The following ASIC2 variants were observed in gnomAD, a reference collection of about 807,000 sequenced individuals.
ASIC2 encodes acid sensing ion channel subunit 2, also known as acid-sensing ion channel 2.
A neutral mutation model predicts 57.3 loss-of-function variants in ASIC2; 25 were observed. That is an observed-to-expected ratio of 0.44 (90% CI 0.32 to 0.61). ASIC2 has a LOEUF of 0.61. Among genes scored for constraint, ASIC2 ranks in the 20% least tolerant of loss-of-function variants. The pLI is 0.06. For synonymous variants in ASIC2, 319 were observed against 307.5 expected (o/e 1.04, Z -0.39); for missense variants, 641 against 738.1 (o/e 0.87, Z 1.52).
intron 1 of ASIC2, chr17:33,533,863 A>C (rs1480073397): frequency 1.3e-5 from 2 of 152,204 alleles, no homozygotes; most frequent in African/African-American, 2.4e-5. Flanking sequence ...TCAACAGGAA[A>C]GTTAACTTTG....
intron 1 of ASIC2, among the ~76,000 whole-genome samples, chr17:33,695,755 C>T (rs913432095): frequency 3.3e-5 from 5 of 152,218 alleles, no homozygotes; most frequent in African/African-American, 1.2e-4. Flanking sequence ...GTCCCTTAAA[C>T]TCCATCCCCC....
chr17:33,284,648 G>T (rs540313835), intron 1 of ASIC2, among the ~76,000 whole-genome samples: 6 of 152,260 alleles, frequency 3.9e-5, no homozygotes, highest in Admixed American at 2.0e-4. Flanking sequence ...TGGCAGAATG[G>T]AGCCATAGGA....
intron 1 of ASIC2, among the ~76,000 whole-genome samples, chr17:33,724,161 C>G (rs911988192): frequency 6.6e-6 from 1 of 152,212 alleles, no homozygotes; most frequent in African/African-American, 2.4e-5. Context: ...CTCATTCTCT[C>G]TCTTGCCGGC....
intron 1 of ASIC2, among the ~76,000 whole-genome samples, chr17:33,969,136 T>C (rs1266210427): frequency 1.3e-5 from 2 of 152,148 alleles, no homozygotes; most frequent in Non-Finnish European, 2.9e-5. Context: ...GCATGGCCCG[T>C]TGAGAAACAA....
rs529797261 is a variant in ASIC2, at chr17:33,166,877, C to T, written c.709-54810G>A. Among the ~76,000 whole-genome samples the T allele has an allele frequency of 3.9e-4, 59 of 152,304 alleles. 2 individuals carry two copies. The South Asian group carries it at 0.012, about 31-fold the overall frequency. On this transcript the variant is annotated intron_variant, in intron 1 of 9. Coordinates refer to ENST00000225823, the MANE Select transcript of ASIC2 (RefSeq NM_183377.2). ...AGCAAGACAATGATTTGTTTGTTTCCACTGAAGAGCTCAAAAAAGAGGCAG... is the reference window on the plus strand; with the variant it reads ...AGCAAGACAATGATTTGTTTGTTTCTACTGAAGAGCTCAAAAAAGAGGCAG...
At chr17:33,827,337 C>CCTTTTTTTTTTTTTTTTTTT (rs1912954044) in intron 1 of ASIC2, among the ~76,000 whole-genome samples, 3 of 76,536 alleles carry the variant, frequency 3.9e-5, no homozygotes, top group Non-Finnish European at 7.9e-5. Flanking sequence ...GCAGCTCACT[C>CCTTTTTTTTTTTTTTTTTTT]TTTTTTTTTT....
intron 1 of ASIC2, among the ~76,000 whole-genome samples, chr17:33,642,214 C>G (rs996005008): frequency 6.6e-6 from 1 of 150,394 alleles, no homozygotes. Context: ...GACACCCCCC[C>G]CCCCCCCACA....
At chr17:33,804,189 G>A (rs188337327) in intron 1 of ASIC2, among the ~76,000 whole-genome samples, 93 of 152,270 alleles carry the variant, frequency 6.1e-4, no homozygotes, top group Non-Finnish European at 1.0e-3. Context: ...GGGAGCTCCA[G>A]CTCTGCTTCA....
At chr17:33,476,544 GGTGTGTGT>G (rs59467363) in intron 1 of ASIC2, among the ~76,000 whole-genome samples, 123 of 104,688 alleles carry the variant, frequency 1.2e-3, no homozygotes, top group South Asian at 9.6e-3. Flanking sequence ...TATGTACAGG[GGTGTGTGT>G]GTGTGTGTGT....
intron 1 of ASIC2, among the ~76,000 whole-genome samples, chr17:33,260,393 C>A (rs1354227044): frequency 2.0e-5 from 3 of 152,178 alleles, no homozygotes; most frequent in South Asian, 4.1e-4. Flanking sequence ...TCTGCAGGGG[C>A]CAGTTGGAGC....
intron 1 of ASIC2, among the ~76,000 whole-genome samples, chr17:33,978,842 G>A (rs1306280783): frequency 2.6e-5 from 4 of 152,188 alleles, no homozygotes; most frequent in Admixed American, 2.6e-4. Flanking sequence ...CCTATGGAGG[G>A]AGAGCGAGGA....
At chr17:33,365,538 G>A (rs991426171) in intron 1 of ASIC2, among the ~76,000 whole-genome samples, 2 of 152,064 alleles carry the variant, frequency 1.3e-5, no homozygotes, top group Admixed American at 1.3e-4. Flanking sequence ...AGTTTAAGTC[G>A]TGAGTACCTG....
At chr17:33,693,408 G>A (rs1002762702) in intron 1 of ASIC2, among the ~76,000 whole-genome samples, 2 of 152,204 alleles carry the variant, frequency 1.3e-5, no homozygotes, top group African/African-American at 4.8e-5. Flanking sequence ...GTCTAGGCCT[G>A]TTGATGTCAC....
At chr17:33,562,952 C>A (rs767422864) in intron 1 of ASIC2, among the ~76,000 whole-genome samples, 3 of 152,122 alleles carry the variant, frequency 2.0e-5, no homozygotes, top group Non-Finnish European at 4.4e-5. Flanking sequence ...CCCTGCATAC[C>A]ACAGCCAGTT....
intron 1 of ASIC2, among the ~76,000 whole-genome samples, chr17:33,985,397 G>A (rs890896873): frequency 1.3e-5 from 2 of 152,068 alleles, no homozygotes; most frequent in Non-Finnish European, 2.9e-5. Context: ...ATGTGTCCTC[G>A]GAGTGTCCAG....
intron 1 of ASIC2, among the ~76,000 whole-genome samples, chr17:33,368,074 G>A (rs1567837848): frequency 6.6e-6 from 1 of 152,144 alleles, no homozygotes; most frequent in Non-Finnish European, 1.5e-5. Context: ...CTTACAGTGT[G>A]GCATGACACC....
At chr17:33,182,935 A>G (rs571500615) in intron 1 of ASIC2, among the ~76,000 whole-genome samples, 1 of 152,330 alleles carries the variant, frequency 6.6e-6, no homozygotes, top group African/African-American at 2.4e-5. Context: ...AATGTTCCAT[A>G]TTGGATTCAT....
intron 1 of ASIC2, among the ~76,000 whole-genome samples, chr17:33,155,368 T>G (rs1438833392): frequency 6.6e-6 from 1 of 152,222 alleles, no homozygotes; most frequent in Admixed American, 6.5e-5. Context: ...ATCTGGAAAC[T>G]GAGCATCTGT....
At chr17:33,553,961 T>A (rs776538036) in intron 1 of ASIC2, among the ~76,000 whole-genome samples, 2 of 152,170 alleles carry the variant, frequency 1.3e-5, no homozygotes, top group Non-Finnish European at 2.9e-5. Flanking sequence ...CTTCGTTTTT[T>A]CCCCTGCAGT....
Sources: gnomAD v4.1 joint callset for allele counts (sites outside exome capture counted in the v4.1 genomes callset) on GRCh38, gnomAD v4.1.1 for gene constraint, MANE v1.5 for transcripts, NCBI Gene and HGNC (gene_info 2026-07-23, HGNC 2026-07-21) for gene names.